The following SDAD1 variants were observed in gnomAD, a reference collection of about 807,000 sequenced individuals.
The protein encoded by SDAD1 is SDA1 domain containing 1.
SDAD1 carries 79 observed loss-of-function variants against 100.3 expected under a neutral mutation model. The observed-to-expected ratio is 0.79, with a 90% CI of 0.66 to 0.95. The LOEUF (loss-of-function observed/expected upper bound fraction) is 0.95, where lower values mean the gene tolerates loss of function less well. Among genes scored for constraint, SDAD1 ranks in the 40% least tolerant of loss-of-function variants. The probability of loss-of-function intolerance (pLI) is 0.00; values close to 1 mark genes in which losing one functional copy is unlikely to be tolerated. For missense variants in SDAD1, 790 were observed against 810.9 expected, an observed-to-expected ratio of 0.97 and a Z score of 0.31; for synonymous variants, 267 against 271.4, an observed-to-expected ratio of 0.98 and a Z score of 0.16.
intron 21 of SDAD1, 100 bp from the exon 22 acceptor site, chr4:75,950,897 T>TACAC (rs1728597102): frequency 1.5e-6 from 1 of 658,864 alleles, no homozygotes; most frequent in East Asian, 2.6e-5. Context: ...ACCAAGTCAA[T>TACAC]ACACCATCCT....
chr4:75,970,809 TCTC>T (rs1056348211), intron 9 of SDAD1, among the ~76,000 whole-genome samples: 1 of 152,156 alleles, frequency 6.6e-6, no homozygotes, highest in African/African-American at 2.4e-5. Context: ...GTTTGGCAGA[TCTC>T]CTGTAGTGCT....
In SDAD1 at chr4:75,955,958, CT is replaced by C; in HGVS notation, c.2016+16del. The C allele has an allele frequency of 6.3e-7, 1 of 1,583,220 alleles. No individual in the cohort carries two copies. Among genetic ancestry groups the C allele is most frequent in the South Asian group, 1.2e-5 (1 of 84,808 alleles). On this transcript the variant is annotated intron_variant, in intron 21 of 21. Coordinates refer to ENST00000356260, the MANE Select transcript of SDAD1 (RefSeq NM_018115.4). Reference sequence around the variant, plus strand: ...TACAGTGCTGTTCTTGCCACCCAAGCTTCAAGTGGAACTCACCTGTTTTTCT... The same window carrying C: ...TACAGTGCTGTTCTTGCCACCCAAGCTCAAGTGGAACTCACCTGTTTTTCT...
At chr4:75,972,275 T>C (rs1364825122) in intron 8 of SDAD1, among the ~76,000 whole-genome samples, 4 of 152,166 alleles carry the variant, frequency 2.6e-5, no homozygotes, top group Non-Finnish European at 5.9e-5. Flanking sequence ...GACAACCCGC[T>C]TGGGTCCCTT....
chr4:75,966,267 TACACACACACACACAC>T (rs375225256), intron 12 of SDAD1, among the ~76,000 whole-genome samples: 81 of 139,284 alleles, frequency 5.8e-4, no homozygotes, highest in African/African-American at 1.8e-3. Flanking sequence ...AATGAATGCA[TACACACACACACACAC>T]ACACACACAC....
chr4:75,976,137 A>G (rs1188087929), intron 4 of SDAD1, 142 bp from the exon 5 acceptor site: 3 of 581,184 alleles, frequency 5.2e-6, no homozygotes, highest in Non-Finnish European at 8.8e-6. Context: ...CAAACCAAGC[A>G]AACAAACAAA....
Position 75,956,100 on chromosome 4 carries a change from T to C in SDAD1, c.1891A>G (p.Lys631Glu). 1 of 1,608,696 alleles carries C rather than the reference T, an allele frequency of 6.2e-7. No individual in the cohort carries two copies. The highest frequency in any genetic ancestry group is 8.5e-7 in the Non-Finnish European group (1 of 1,178,856). Reference sequence around the variant, plus strand: ...CTGGAAAATGGATTTGTTTTGGTTTTCTTCCTCACAAATTCTTTTCGGTCT... The same window carrying C: ...CTGGAAAATGGATTTGTTTTGGTTTCCTTCCTCACAAATTCTTTTCGGTCT... ...KTDRKEFVRK[K>E]TKTNPFSSST... is the part of the protein sequence containing the mutation. Residue 631 changes from lysine (K) to glutamate (E), a missense_variant, in exon 21 of 22, where the codon AAA becomes GAA. By Grantham distance (56) the Lys-to-Glu change is moderately conservative. Coordinates refer to ENST00000356260, the MANE Select transcript of SDAD1 (RefSeq NM_018115.4).
Position 75,961,051 on chromosome 4 carries a change from G to C in SDAD1, c.1333C>G (p.Gln445Glu). 1 of 1,613,990 alleles carries C rather than the reference G, an allele frequency of 6.2e-7. No homozygotes were observed. The highest frequency in any genetic ancestry group is 8.5e-7 in the Non-Finnish European group (1 of 1,179,976). ...LIHLFRTLNPQMLQKKFRGKP... is the reference protein window; with the variant it reads ...LIHLFRTLNPEMLQKKFRGKP... ...ACCCGGAATTTCTTCTGCAGCATCT[G>C]AGGATTCAGTGTTCGGAAGAGGTGA... The change falls in exon 16 of 22, where the codon CAG (glutamine) becomes GAG (glutamate). Residue 445 changes from glutamine (Q) to glutamate (E), a missense_variant. Gln to Glu is a conservative substitution (Grantham distance 29). Transcript: ENST00000356260.
chr4:75,975,927 A>C lies in SDAD1; in HGVS notation c.474T>G (p.Asn158Lys). 6.3e-7 allele frequency: 1 copy of C among 1,599,392 alleles called. No individual in the cohort carries two copies. ...INAKHKNNKV[N>K]VVLQNFMYTM... Reference sequence around the variant, plus strand: ...TGGAAGACAGAAGAGTACTTACTACATTCACTTTATTGTTCTTGTGTTTTG... The same window carrying C: ...TGGAAGACAGAAGAGTACTTACTACCTTCACTTTATTGTTCTTGTGTTTTG... The change falls in exon 5 of 22, where the codon AAT becomes AAG. Residue 158 changes from asparagine (N) to lysine (K), a missense_variant. By Grantham distance (94) the Asn-to-Lys change is moderately conservative. Transcript: ENST00000356260.
intron 1 of SDAD1, among the ~76,000 whole-genome samples, chr4:75,985,676 C>T (rs1730848576): frequency 6.6e-6 from 1 of 152,158 alleles, no homozygotes. Context: ...CCTCATTACC[C>T]TGACTTCTCC....
intron 13 of SDAD1, 93 bp downstream of exon 13, chr4:75,965,671 T>G: frequency 1.0e-6 from 1 of 965,610 alleles, no homozygotes; most frequent in African/African-American, 1.6e-5. Flanking sequence ...CGTTGAATTA[T>G]CGGGGGCAGG....
intron 17 of SDAD1, 112 bp downstream of exon 17, chr4:75,959,954 C>T: frequency 8.6e-7 from 1 of 1,163,954 alleles, no homozygotes; most frequent in Non-Finnish European, 1.2e-6. Flanking sequence ...GGCACATAGT[C>T]ATTGCTCAAT....
intron 17 of SDAD1, 125 bp downstream of exon 17, chr4:75,959,941 C>T (rs1453176297): frequency 1.6e-5 from 16 of 992,650 alleles, no homozygotes; most frequent in South Asian, 1.6e-4. Context: ...TCTAACAGTG[C>T]GTGGCACATA....
chr4:75,969,936 G>T (rs1027824409), intron 10 of SDAD1, among the ~76,000 whole-genome samples: 2 of 151,428 alleles, frequency 1.3e-5, no homozygotes, highest in African/African-American at 4.9e-5. Context: ...CCTAGTTTGA[G>T]AACTAGTGTT....
rs545382846 is a variant in SDAD1 at position 75,953,306 on chromosome 4, G to T, written c.2017-2509C>A. Among the ~76,000 whole-genome samples, 6 of 152,260 alleles carry T rather than the reference G, an allele frequency of 3.9e-5. No individual in the cohort carries two copies. The East Asian group carries it at 9.6e-4, about 24-fold the overall frequency. ...AGAAAAGGCATGCTAAAAAACAAAG[G>T]AAGTAGGGGTGGGGGGAGCCCTAAC... On this transcript the variant is annotated intron_variant, in intron 21 of 21. Coordinates refer to ENST00000356260, the MANE Select transcript of SDAD1 (RefSeq NM_018115.4).
chr4:75,966,007 G>A (rs1237919757), intron 12 of SDAD1, among the ~76,000 whole-genome samples, 185 bp from the exon 13 acceptor site: 1 of 151,944 alleles, frequency 6.6e-6, no homozygotes, highest in African/African-American at 2.4e-5. Context: ...CTCAATAGCT[G>A]CCTTATCAAA....
chr4:75,964,102 T>C, intron 14 of SDAD1, 33 bp downstream of exon 14: 1 of 1,384,954 alleles, frequency 7.2e-7, no homozygotes, highest in Non-Finnish European at 1.0e-6. Flanking sequence ...CATTAAACAA[T>C]GTATCTTCTG....
chr4:75,981,303 C>A, intron 3 of SDAD1, 69 bp downstream of exon 3: 2 of 1,412,980 alleles, frequency 1.4e-6, no homozygotes, highest in South Asian at 1.2e-5. Context: ...AGGCTGTTCT[C>A]ATTTAAATAT....
At chr4:75,985,136 T>C (rs1415234647) in intron 1 of SDAD1, among the ~76,000 whole-genome samples, 1 of 151,970 alleles carries the variant, frequency 6.6e-6, no homozygotes, top group Admixed American at 6.6e-5. Context: ...GCTAACACTA[T>C]TTACCCGCCT....
At chr4:75,954,899 T>C (rs768724320) in intron 21 of SDAD1, among the ~76,000 whole-genome samples, 18 of 152,126 alleles carry the variant, frequency 1.2e-4, no homozygotes, top group Non-Finnish European at 2.2e-4. Context: ...ATGGATAAGA[T>C]AGGGTTATAA....
Sources: allele counts gnomAD v4.1 joint callset (sites outside exome capture counted in the v4.1 genomes callset), GRCh38; gene constraint gnomAD v4.1.1; transcripts MANE v1.5; gene names NCBI Gene and HGNC (gene_info 2026-07-23, HGNC 2026-07-21).